The following JAKMIP1 variants were observed in gnomAD, a reference collection of about 807,000 sequenced individuals.
The protein encoded by JAKMIP1 is janus kinase and microtubule interacting protein 1, also known as janus kinase and microtubule-interacting protein 1.
In JAKMIP1, 33 loss-of-function variants were observed where a neutral mutation model predicts 113.0. That is an observed-to-expected ratio of 0.29 (90% confidence interval 0.22 to 0.39). The LOEUF (loss-of-function observed/expected upper bound fraction) is 0.39, where lower values mean the gene tolerates loss of function less well. Among genes scored for constraint, JAKMIP1 ranks in the 10% least tolerant of loss-of-function variants. The pLI, the probability that JAKMIP1 is intolerant of heterozygous loss-of-function variation, is 1.00. For missense variants in JAKMIP1, 813 were observed against 1,080.5 expected (o/e 0.75, Z 3.47); for synonymous variants, 480 against 459.9 (o/e 1.04, Z -0.56).
intron 1 of JAKMIP1, among the ~76,000 whole-genome samples, chr4:6,119,258 C>T (rs1342509079): frequency 6.6e-6 from 1 of 152,170 alleles, no homozygotes; most frequent in Non-Finnish European, 1.5e-5. Context: ...AAAACCACTC[C>T]TGGGGCCGGG....
chr4:6,115,420 T>C (rs1440354847), intron 1 of JAKMIP1, among the ~76,000 whole-genome samples: 1 of 152,166 alleles, frequency 6.6e-6, no homozygotes, highest in African/African-American at 2.4e-5. Flanking sequence ...AATAAATACA[T>C]AAAAATAAAA....
chr4:6,125,832 CAGAA>C (rs1717414104), intron 1 of JAKMIP1, among the ~76,000 whole-genome samples: 4 of 78,296 alleles, frequency 5.1e-5, no homozygotes, highest in Admixed American at 1.3e-4. Context: ...ACACACCATG[CAGAA>C]ACACACACAC....
rs529524252 is a variant in JAKMIP1, at chr4:6,078,833, T to C, written c.1302+106A>G. The C allele has an allele frequency of 5.9e-5, 59 of 999,734 alleles. 1 individual carries two copies. The South Asian group carries it at 6.2e-4, about 11-fold the overall frequency. The allele number at this position is 999,734 out of a possible 1,614,324, so 61.9% of individuals were successfully genotyped here. Reference sequence around the variant, plus strand: ...CATCAGGCATGCAGAGATGTGTGTGTCTGCTTCAGGACCCCTCTGTAAAAC... The same window carrying C: ...CATCAGGCATGCAGAGATGTGTGTGCCTGCTTCAGGACCCCTCTGTAAAAC... On this transcript the variant is annotated intron_variant, in intron 8 of 20. Coordinates refer to ENST00000409021, the MANE Select transcript of JAKMIP1 (RefSeq NM_001099433.2).
rs983847446 is a variant in JAKMIP1, at chr4:6,178,394, C to G, written c.-148+21859G>C. Among the ~76,000 whole-genome samples, 2 of 152,094 alleles carry G rather than the reference C, an allele frequency of 1.3e-5. No homozygotes were observed. The highest frequency in any genetic ancestry group is 4.8e-5 in the African/African-American group (2 of 41,400). ...TAATTGAATCATGGGGGCAGTTTAC[C>G]CCATACTATTCTCATGATAGTGAGT... On this transcript the variant is annotated intron_variant, in intron 1 of 20. Coordinates refer to ENST00000409021, the MANE Select transcript of JAKMIP1 (RefSeq NM_001099433.2). The surrounding 1 kb of genome is among the most constrained non-coding windows in gnomAD (Gnocchi z 5.5).
rs904537680 is a variant in JAKMIP1, at chr4:6,108,465, C to A, written c.130-2498G>T. On this transcript the variant is annotated intron_variant, in intron 2 of 20. Transcript: ENST00000409021. The surrounding 1 kb of genome is among the most constrained non-coding windows in gnomAD (Gnocchi z 5.6). ...CATGCCCTGGGGGTGTGGGGGCTGG[C>A]GTGGAGAAATTATCTGAACCACCAG... 6.6e-6 allele frequency among the ~76,000 whole-genome samples: 1 copy of A among 152,098 alleles called. No homozygotes were observed. Among genetic ancestry groups the A allele is most frequent in the Non-Finnish European group, 1.5e-5 (1 of 68,008 alleles).
rs1298185087 is a variant in JAKMIP1, at chr4:6,167,046, A to G, written c.-148+33207T>C. Among the ~76,000 whole-genome samples, 1 of 152,094 alleles carries G rather than the reference A, an allele frequency of 6.6e-6. No homozygotes were observed. The highest frequency in any genetic ancestry group is 1.5e-5 in the Non-Finnish European group (1 of 68,000). On this transcript the variant is annotated intron_variant, in intron 1 of 20. Transcript: ENST00000409021. This position sits in a 1 kb window ranked among gnomAD's most constrained non-coding sequence, Gnocchi z 5.3. ...TCTCAAATACTGTATGTGCTACCCCACATCAAGTACTTGGAACAGTGCCTG... is the reference window on the plus strand; with the variant it reads ...TCTCAAATACTGTATGTGCTACCCCGCATCAAGTACTTGGAACAGTGCCTG...
At chr4:6,102,536 C>T (rs1319552020) in intron 3 of JAKMIP1, among the ~76,000 whole-genome samples, 1 of 151,952 alleles carries the variant, frequency 6.6e-6, no homozygotes, top group Non-Finnish European at 1.5e-5. Flanking sequence ...CCAGATAGTG[C>T]CTAGATCTTG....
chr4:6,105,925 G>C lies in JAKMIP1; in HGVS notation c.172C>G (p.Arg58Gly). 1.2e-6 allele frequency: 2 copies of C among 1,609,870 alleles called. No individual in the cohort carries two copies. Among genetic ancestry groups the C allele is most frequent in the Non-Finnish European group, 1.7e-6 (2 of 1,178,932 alleles). The change falls in exon 3 of 21, where the codon CGC (arginine) becomes GGC (glycine). Residue 58 changes from arginine (R) to glycine (G), a missense_variant. Arg to Gly is a moderately radical substitution (Grantham distance 125). Coordinates refer to ENST00000409021, the MANE Select transcript of JAKMIP1 (RefSeq NM_001099433.2). The stretch of plus-strand genomic sequence containing the variant: ...GTGTGCCGTCGCTGCTCCTGCTCGC[G>C]CTCCAGCTTCGCCTCCTGCAGCCGC... ...RERLQEAKLE[R>G]EQEQRRHTAY...
intron 1 of JAKMIP1, among the ~76,000 whole-genome samples, chr4:6,150,000 A>C (rs1182439396): frequency 6.6e-6 from 1 of 152,094 alleles, no homozygotes; most frequent in East Asian, 1.9e-4. Context: ...GCCAATTCCA[A>C]ATCTCCCCTT....
Position 6,142,413 on chromosome 4 carries a change from C to G in JAKMIP1, c.-147-29416G>C, listed in dbSNP as rs187704464. Reference sequence around the variant, plus strand: ...CTTCCCGAGTCCAGTGTTTTTTAAACGACTGGTTTTTGCACCTCCAGCCAA... The same window carrying G: ...CTTCCCGAGTCCAGTGTTTTTTAAAGGACTGGTTTTTGCACCTCCAGCCAA... On this transcript the variant is annotated intron_variant, in intron 1 of 20. Coordinates refer to ENST00000409021, the MANE Select transcript of JAKMIP1 (RefSeq NM_001099433.2). The surrounding 1 kb of genome is among the most constrained non-coding windows in gnomAD (Gnocchi z 5.5). Among the ~76,000 whole-genome samples, 5 of 152,176 alleles carry G rather than the reference C, an allele frequency of 3.3e-5. No individual in the cohort carries two copies. The highest frequency in any genetic ancestry group is 5.9e-5 in the Non-Finnish European group (4 of 68,036).
At chr4:6,026,418 G>A (rs1024314765) in intron 20 of JAKMIP1, 140 bp from the exon 21 acceptor site, 33 of 621,288 alleles carry the variant, frequency 5.3e-5, no homozygotes, top group Non-Finnish European at 9.5e-5. Flanking sequence ...AAAGAGAAAT[G>A]GGAAGTAAAC....
rs548587809 is a variant in JAKMIP1 at position 6,155,564 on chromosome 4, G to A, written c.-147-42567C>T. ...GGCTCTGAAAACTTCTAAACGCCCA[G>A]CGCTGCTACCTGATTTCCCCTAAAG... On this transcript the variant is annotated intron_variant, in intron 1 of 20. Coordinates refer to ENST00000409021, the MANE Select transcript of JAKMIP1 (RefSeq NM_001099433.2). The surrounding 1 kb of genome is among the most constrained non-coding windows in gnomAD (Gnocchi z 6.1). Among the ~76,000 whole-genome samples the A allele has an allele frequency of 2.6e-4, 40 of 152,284 alleles. No homozygotes were observed. The highest frequency in any genetic ancestry group is 9.4e-4 in the African/African-American group (39 of 41,568).
At chr4:6,026,388 C>T in intron 20 of JAKMIP1, 110 bp from the exon 21 acceptor site, 1 of 657,430 alleles carries the variant, frequency 1.5e-6, no homozygotes, top group Non-Finnish European at 2.7e-6. Context: ...AGAACTAGGA[C>T]ACTGAGTTGT....
chr4:6,060,309 G>C (rs1301382446), intron 11 of JAKMIP1, 115 bp downstream of exon 11: 1 of 786,432 alleles, frequency 1.3e-6, no homozygotes, highest in Non-Finnish European at 2.3e-6. Context: ...AGCGTCTCTG[G>C]AGCTCCTGAT....
At position 6,067,529 on chromosome 4, in the gene JAKMIP1, T is replaced by TAGTGAC. The variant is rs1420886956; in HGVS notation, c.1303-2527_1303-2522dup. Among the ~76,000 whole-genome samples the TAGTGAC allele has an allele frequency of 6.6e-6, 1 of 152,004 alleles. No homozygotes were observed. The highest frequency in any genetic ancestry group is 2.4e-5 in the African/African-American group (1 of 41,336). ...TCCAACCAGCTCTAGAGAGCAGTGG[T>TAGTGAC]AGTGACATCCCATGGTGACAATGGC... is the stretch of plus-strand genomic sequence containing the variant. On this transcript the variant is annotated intron_variant, in intron 8 of 20. Coordinates refer to ENST00000409021, the MANE Select transcript of JAKMIP1 (RefSeq NM_001099433.2). This position sits in a 1 kb window ranked among gnomAD's most constrained non-coding sequence, Gnocchi z 4.6.
intron 1 of JAKMIP1, among the ~76,000 whole-genome samples, chr4:6,114,560 C>T (rs1182953983): frequency 6.6e-6 from 1 of 152,214 alleles, no homozygotes; most frequent in Non-Finnish European, 1.5e-5. Flanking sequence ...GGCCCTGGGA[C>T]ATCCCTCCAA....
chr4:6,072,744 C>T (rs1361816704), intron 8 of JAKMIP1, among the ~76,000 whole-genome samples: 3 of 152,004 alleles, frequency 2.0e-5, no homozygotes, highest in Non-Finnish European at 2.9e-5. Context: ...GGAATAAGAT[C>T]GACTGCAAAC....
At chr4:6,170,316 C>T (rs1244261454) in intron 1 of JAKMIP1, among the ~76,000 whole-genome samples, 1 of 147,628 alleles carries the variant, frequency 6.8e-6, no homozygotes, top group Non-Finnish European at 1.5e-5. Context: ...ATAACCCTCT[C>T]CACCATCACC....
At chr4:6,163,665 G>A (rs963201724) in intron 1 of JAKMIP1, among the ~76,000 whole-genome samples, 1 of 152,236 alleles carries the variant, frequency 6.6e-6, no homozygotes, top group African/African-American at 2.4e-5. Context: ...GCTGAGATAA[G>A]GTGAAAGCTA....
Sources: gnomAD v4.1 joint callset for allele counts (sites outside exome capture counted in the v4.1 genomes callset) on GRCh38, gnomAD v4.1.1 for gene constraint, Gnocchi (gnomAD v3.1) non-coding constraint, MANE v1.5 for transcripts, NCBI Gene and HGNC (gene_info 2026-07-23, HGNC 2026-07-21) for gene names.